Variants in ZBTB20 observed in about 807,000 individuals in gnomAD.
ZBTB20 encodes zinc finger and BTB domain-containing protein 20.
A neutral mutation model predicts 56.9 loss-of-function variants in ZBTB20; 9 were observed. The observed-to-expected ratio is 0.16, with a 90% CI of 0.10 to 0.28. The LOEUF is 0.28. Ranked by LOEUF, ZBTB20 falls within the 10% of genes least tolerant of loss-of-function variation. ZBTB20 has a pLI of 1.00. For synonymous variants in ZBTB20, 417 were observed against 420.7 expected (o/e 0.99, Z 0.11); for missense variants, 655 against 1,003.0 (o/e 0.65, Z 4.69).
intron 1 of ZBTB20, among the ~76,000 whole-genome samples, chr3:115,111,632 T>C (rs2083886824): frequency 6.6e-6 from 1 of 152,196 alleles, no homozygotes; most frequent in African/African-American, 2.4e-5. Flanking sequence ...TATTATAGAA[T>C]ATTTGATAAC....
chr3:114,809,021 G>A (rs564320927), intron 4 of ZBTB20, among the ~76,000 whole-genome samples: 2 of 151,906 alleles, frequency 1.3e-5, no homozygotes, highest in South Asian at 2.1e-4. Flanking sequence ...TCTACCTCCT[G>A]GCTTTGTTTC....
At chr3:114,562,040 T>C (rs2052127353) in intron 6 of ZBTB20, among the ~76,000 whole-genome samples, 2 of 152,164 alleles carry the variant, frequency 1.3e-5, no homozygotes. Flanking sequence ...CTTTAATTCA[T>C]CTTCATGAAT....
chr3:114,683,037 A>AT lies in ZBTB20; in HGVS notation c.-295+10490dup, dbSNP rs1018910108. 1.7e-3 allele frequency among the ~76,000 whole-genome samples: 263 copies of AT among 151,902 alleles called. 1 individual carries two copies. The highest frequency in any genetic ancestry group is 6.8e-3 in the Middle Eastern group (2 of 294). On this transcript the variant is annotated intron_variant, in intron 6 of 11. Coordinates refer to ENST00000675478, the MANE Select transcript of ZBTB20 (RefSeq NM_001348800.3). ...TTGATAAACTTTTCTAAAAGAAGGA[A>AT]TTTTTTTTTCAGAGAGAAATATAGC...
rs1337492548 is a variant in ZBTB20 at position 114,335,105 on chromosome 3, A to G, written c.*3900T>C. ...ATTTTTTTATAAACCATATCTAAAT[A>G]TCTTGAGATAAAAATTCCCCTTTGA... On this transcript the variant is annotated 3_prime_UTR_variant, in exon 12 of 12. Coordinates refer to ENST00000675478, the MANE Select transcript of ZBTB20 (RefSeq NM_001348800.3). 1 of 152,156 alleles carries G rather than the reference A, an allele frequency of 6.6e-6. No individual in the cohort carries two copies. Among genetic ancestry groups the G allele is most frequent in the Non-Finnish European group, 1.5e-5 (1 of 68,014 alleles). 9.4% of individuals were successfully genotyped at this position (152,156 alleles called of 1,614,324 possible).
intron 4 of ZBTB20, among the ~76,000 whole-genome samples, chr3:114,887,485 C>A (rs1216462547): frequency 6.6e-6 from 1 of 152,024 alleles, no homozygotes; most frequent in Admixed American, 6.6e-5. Flanking sequence ...GGCCCTAAAT[C>A]CAATAACTGA....
chr3:115,079,590 T>C (rs1349216679), intron 1 of ZBTB20, among the ~76,000 whole-genome samples: 1 of 152,160 alleles, frequency 6.6e-6, no homozygotes, highest in African/African-American at 2.4e-5. Context: ...GGTTTCACCA[T>C]GTTGTCCAGT....
At chr3:114,714,313 C>G (rs2064305409) in intron 5 of ZBTB20, among the ~76,000 whole-genome samples, 1 of 152,198 alleles carries the variant, frequency 6.6e-6, no homozygotes, top group Admixed American at 6.5e-5. Flanking sequence ...CTTATTCTAA[C>G]TGATGGTTTT....
chr3:114,620,780 A>G (rs1161576395), intron 6 of ZBTB20, among the ~76,000 whole-genome samples: 1 of 152,232 alleles, frequency 6.6e-6, no homozygotes, highest in Non-Finnish European at 1.5e-5. Context: ...ATATATAGAA[A>G]AAACTTCAAC....
In ZBTB20 at chr3:114,844,520, C is replaced by CAAAAAAAAAAAAAAAAAAAAA. The variant is rs71146342; in HGVS notation, c.-416-43367_-416-43347dup. On this transcript the variant is annotated intron_variant, in intron 4 of 11. Coordinates refer to ENST00000675478, the MANE Select transcript of ZBTB20 (RefSeq NM_001348800.3). Reference sequence around the variant, plus strand: ...TGGTTGACAGAGCAAGTCCCTGTCTCAAAAAAAAAAAAAAAAAAAAAAAAA... The same window carrying CAAAAAAAAAAAAAAAAAAAAA: ...TGGTTGACAGAGCAAGTCCCTGTCTCAAAAAAAAAAAAAAAAAAAAAAAAAAAAAAAAAAAAAAAAAAAAAA... Among the ~76,000 whole-genome samples, 4 of 22,802 alleles carry CAAAAAAAAAAAAAAAAAAAAA rather than the reference C, an allele frequency of 1.8e-4. 1 individual carries two copies. The highest frequency in any genetic ancestry group is 2.6e-4 in the Non-Finnish European group (4 of 15,306). The allele number at this position is 22,802 out of a possible 152,430, so 15.0% of individuals were successfully genotyped here.
At chr3:114,481,252 C>G (rs957571558) in intron 7 of ZBTB20, among the ~76,000 whole-genome samples, 1 of 122,528 alleles carries the variant, frequency 8.2e-6, no homozygotes, top group Non-Finnish European at 1.7e-5. Flanking sequence ...ATCGAATCTA[C>G]AAAAGGATAC....
At chr3:114,425,058 A>T (rs2089529274) in intron 7 of ZBTB20, among the ~76,000 whole-genome samples, 2 of 150,006 alleles carry the variant, frequency 1.3e-5, no homozygotes, top group Admixed American at 6.6e-5. Flanking sequence ...TGTGTATCTG[A>T]ATGCCCTCTT....
Position 114,741,826 on chromosome 3 carries a change from A to G in ZBTB20, c.-342-48251T>C, listed in dbSNP as rs2066611678. Reference sequence around the variant, plus strand: ...AACCTTGGAGGCGGAGGTTGCAGCAAGCCAAGATTGCCCCACTGCACTCCA... The same window carrying G: ...AACCTTGGAGGCGGAGGTTGCAGCAGGCCAAGATTGCCCCACTGCACTCCA... On this transcript the variant is annotated intron_variant, in intron 5 of 11. Coordinates refer to ENST00000675478, the MANE Select transcript of ZBTB20 (RefSeq NM_001348800.3). Among the ~76,000 whole-genome samples, 3 of 151,876 alleles carry G rather than the reference A, an allele frequency of 2.0e-5. No homozygotes were observed. In the South Asian group the frequency reaches 6.3e-4, roughly 32 times the overall value.
In ZBTB20 at chr3:115,114,756, C is replaced by T. The variant is rs141061880; in HGVS notation, c.-703+32463G>A. Among the ~76,000 whole-genome samples, 24 of 152,184 alleles carry T rather than the reference C, an allele frequency of 1.6e-4. No homozygotes were observed. The East Asian group carries it at 3.5e-3, about 22-fold the overall frequency. On this transcript the variant is annotated intron_variant, in intron 1 of 11. Coordinates refer to ENST00000675478, the MANE Select transcript of ZBTB20 (RefSeq NM_001348800.3). ...AAATGTTTTCTCCATAACCACAGGT[C>T]CTTCAAAAAGCAGTTACCTTCTCAC...
At chr3:114,510,474 G>A (rs1423561298) in intron 6 of ZBTB20, among the ~76,000 whole-genome samples, 3 of 151,864 alleles carry the variant, frequency 2.0e-5, no homozygotes, top group African/African-American at 7.3e-5. Flanking sequence ...CAACGCCACA[G>A]AGCTAATTAA....
At chr3:114,927,076 T>C (rs1473971667) in intron 3 of ZBTB20, among the ~76,000 whole-genome samples, 1 of 152,100 alleles carries the variant, frequency 6.6e-6, no homozygotes, top group Non-Finnish European at 1.5e-5. Context: ...AAGGGAAAAG[T>C]CAAGCTGGGG....
intron 5 of ZBTB20, among the ~76,000 whole-genome samples, chr3:114,724,891 C>T (rs949636663): frequency 7.2e-5 from 11 of 151,990 alleles, no homozygotes; most frequent in African/African-American, 2.7e-4. Context: ...AAATAAAATA[C>T]ATTTTATTAA....
At chr3:115,056,657 C>A (rs998146620) in intron 2 of ZBTB20, among the ~76,000 whole-genome samples, 2 of 152,002 alleles carry the variant, frequency 1.3e-5, no homozygotes, top group Admixed American at 1.3e-4. Context: ...CTAATGATTG[C>A]GTGAGGGTAT....
At chr3:114,558,935 A>C (rs2051634263) in intron 6 of ZBTB20, among the ~76,000 whole-genome samples, 1 of 152,148 alleles carries the variant, frequency 6.6e-6, no homozygotes, top group African/African-American at 2.4e-5. Context: ...TCACATCTTC[A>C]TATGGCTAGT....
intron 10 of ZBTB20, among the ~76,000 whole-genome samples, chr3:114,361,860 C>T (rs1266644371): frequency 1.3e-5 from 2 of 152,196 alleles, no homozygotes; most frequent in African/African-American, 2.4e-5. Context: ...CAGTGATCAT[C>T]TGGGGGCTGG....
Sources: gnomAD v4.1 joint callset for allele counts (sites outside exome capture counted in the v4.1 genomes callset) on GRCh38, gnomAD v4.1.1 for gene constraint, MANE v1.5 for transcripts, NCBI Gene and HGNC (gene_info 2026-07-23, HGNC 2026-07-21) for gene names.